STRN3: variants seen among roughly 807,000 people sequenced by gnomAD.
STRN3 encodes the protein striatin-3.
STRN3 carries 29 observed loss-of-function variants against 95.6 expected under a neutral mutation model. The ratio of observed to expected loss-of-function variants is 0.30; its 90% confidence interval spans 0.23 to 0.41. The LOEUF is 0.41. STRN3 is among the 10% of genes least tolerant of loss of function. The pLI is 1.00. For missense variants in STRN3, 890 were observed against 972.1 expected, an observed-to-expected ratio of 0.92 and a Z score of 1.12; for synonymous variants, 331 against 357.6, an observed-to-expected ratio of 0.93 and a Z score of 0.84.
intron 1 of STRN3, among the ~76,000 whole-genome samples, chr14:31,024,884 C>A (rs1363397114): frequency 6.6e-6 from 1 of 152,142 alleles, no homozygotes; most frequent in Non-Finnish European, 1.5e-5. Context: ...AACACAAATA[C>A]CCAAGAAAGT....
At position 30,912,128 on chromosome 14, in the gene STRN3, G is replaced by A. The variant is rs1482165566; in HGVS notation, c.1429C>T (p.Arg477Cys). The A allele has an allele frequency of 2.5e-6, 4 of 1,614,032 alleles. No homozygotes were observed. Among genetic ancestry groups the A allele is most frequent in the Admixed American group, 1.7e-5 (1 of 60,004 alleles). Residue 477 changes from arginine (R) to cysteine (C), a missense_variant, in exon 11 of 18, where the codon CGT becomes TGT. Physicochemically the swap from Arg to Cys is radical, Grantham distance 180. Around this residue, in one of 3 missense-constraint regions of STRN3, gnomAD observed 357 missense variants for 422.8 expected, o/e 0.84. Transcript: ENST00000357479. ...GCCCGTACTCCATCAAAATGGCTAC[G>A]TAGTGTATACTTGGGATTCCATGTC... ...RKTWNPKYTL[R>C]SHFDGVRALA...
At chr14:30,911,892 T>C (rs1896619999) in intron 11 of STRN3, 68 bp from the exon 12 acceptor site, 9 of 1,564,074 alleles carry the variant, frequency 5.8e-6, no homozygotes, top group Non-Finnish European at 7.8e-6. Flanking sequence ...CTGGTTGATA[T>C]TAAATAGTCA....
chr14:30,905,894 T>C (rs562570333), intron 14 of STRN3, among the ~76,000 whole-genome samples: 74 of 152,348 alleles, frequency 4.9e-4, no homozygotes, highest in African/African-American at 1.6e-3. Flanking sequence ...AATTTGCCAA[T>C]TATACTTCTT....
At chr14:30,903,414 G>A (rs1347670460) in intron 15 of STRN3, among the ~76,000 whole-genome samples, 2 of 151,834 alleles carry the variant, frequency 1.3e-5, no homozygotes, top group African/African-American at 4.8e-5. Context: ...AATTTTTTTT[G>A]TTTAAGAGAC....
intron 7 of STRN3, among the ~76,000 whole-genome samples, chr14:30,932,874 G>A (rs886337150): frequency 6.6e-6 from 1 of 152,146 alleles, no homozygotes; most frequent in African/African-American, 2.4e-5. Context: ...TATTTGATAA[G>A]TTATTTCGAT....
intron 16 of STRN3, among the ~76,000 whole-genome samples, chr14:30,897,737 A>G (rs1012103066): frequency 2.6e-5 from 4 of 152,210 alleles, no homozygotes; most frequent in African/African-American, 9.6e-5. Flanking sequence ...GTAATAAACA[A>G]AATAGTCTTA....
intron 1 of STRN3, among the ~76,000 whole-genome samples, chr14:31,013,013 C>CT (rs1436178836): frequency 2.0e-5 from 3 of 152,110 alleles, no homozygotes; most frequent in Non-Finnish European, 4.4e-5. Context: ...AATCCCAGCA[C>CT]TTTGAGAGGC....
At chr14:30,974,484 C>A (rs1880987398) in intron 1 of STRN3, among the ~76,000 whole-genome samples, 1 of 151,852 alleles carries the variant, frequency 6.6e-6, no homozygotes, top group Non-Finnish European at 1.5e-5. Flanking sequence ...AATGTCAATA[C>A]CCAAAGCAAT....
intron 1 of STRN3, among the ~76,000 whole-genome samples, chr14:30,961,772 T>C (rs977688193): frequency 6.6e-6 from 1 of 152,180 alleles, no homozygotes; most frequent in Non-Finnish European, 1.5e-5. Flanking sequence ...CAGGCTAATT[T>C]TTTAAAAATT....
chr14:30,911,765 AGT>A lies in STRN3; in HGVS notation c.1598+10_1598+11del. 6.2e-7 allele frequency: 1 copy of A among 1,600,146 alleles called. No individual in the cohort carries two copies. Among genetic ancestry groups the A allele is most frequent in the Non-Finnish European group, 8.5e-7 (1 of 1,173,318 alleles). On this transcript the variant is annotated intron_variant, in intron 12 of 17. Transcript: ENST00000357479. ...GATGATGTTAATTAAATACCAATTC[AGT>A]AAAACTTACATGTGGGCCCTAAATG...
chr14:30,927,622 A>T (rs1878248461), intron 8 of STRN3, among the ~76,000 whole-genome samples: 1 of 106,156 alleles, frequency 9.4e-6, no homozygotes, highest in African/African-American at 3.6e-5. Context: ...TATTTCTTTA[A>T]AAAAAAAAAA....
At chr14:30,901,207 G>T (rs1387818566) in intron 16 of STRN3, among the ~76,000 whole-genome samples, 1 of 151,706 alleles carries the variant, frequency 6.6e-6, no homozygotes, top group Non-Finnish European at 1.5e-5. Context: ...TTGGGAGGCT[G>T]ACATGGGAGG....
chr14:31,026,154 C>T lies in STRN3; in HGVS notation c.32G>A (p.Gly11Asp), dbSNP rs749183164. MDELAGGGGG[G>D]PGMAAPPRQQ... ...CCGGGGAGGGGCCGCCATCCCCGGG[C>T]CGCCACCACCGCCTCCGGCAAGCTC... The change falls in exon 1 of 18, where the codon GGC (glycine) becomes GAC (aspartate). Residue 11 changes from glycine to aspartate, a missense_variant. Physicochemically the swap from Gly to Asp is moderately conservative, Grantham distance 94. Coordinates refer to ENST00000357479, the MANE Select transcript of STRN3 (RefSeq NM_001083893.2). 6.7e-7 allele frequency: 1 copy of T among 1,487,664 alleles called. No homozygotes were observed. The highest frequency in any genetic ancestry group is 8.9e-7 in the Non-Finnish European group (1 of 1,126,130). The allele number at this position is 1,487,664 out of a possible 1,614,324, so 92.2% of individuals were successfully genotyped here. A position where few individuals can be genotyped will look rare whatever the true frequency, so the allele number is the denominator to read the frequency against.
chr14:31,016,336 G>A (rs1311731739), intron 1 of STRN3, among the ~76,000 whole-genome samples: 1 of 152,066 alleles, frequency 6.6e-6, no homozygotes, highest in African/African-American at 2.4e-5. Context: ...ACAAACTGTA[G>A]CACATCCATA....
Position 31,019,186 on chromosome 14 carries a change from T to C in STRN3, c.282+6718A>G, listed in dbSNP as rs941112084. Among the ~76,000 whole-genome samples, 5 of 152,260 alleles carry C rather than the reference T, an allele frequency of 3.3e-5. No individual in the cohort carries two copies. The East Asian group carries it at 7.7e-4, about 24-fold the overall frequency. ...AGCCAGGCGTGGTAGCACGTGCCTA[T>C]AGTCCAAGCTATTTGGGAGGCTGAA... is the stretch of plus-strand genomic sequence containing the variant. On this transcript the variant is annotated intron_variant, in intron 1 of 17. Transcript: ENST00000357479.
chr14:31,001,575 T>G (rs1882452610), intron 1 of STRN3, among the ~76,000 whole-genome samples: 1 of 151,826 alleles, frequency 6.6e-6, no homozygotes, highest in Admixed American at 6.6e-5. Context: ...GAATTCACAT[T>G]TTGAGAAAAG....
intron 1 of STRN3, among the ~76,000 whole-genome samples, chr14:31,008,446 T>C (rs1326711239): frequency 6.6e-6 from 1 of 152,092 alleles, no homozygotes; most frequent in African/African-American, 2.4e-5. Context: ...AGGTCGAGAC[T>C]GCAGTGAGCC....
At chr14:31,001,295 G>A (rs1594565943) in intron 1 of STRN3, among the ~76,000 whole-genome samples, 2 of 152,178 alleles carry the variant, frequency 1.3e-5, no homozygotes, top group East Asian at 3.9e-4. Context: ...CAGCACTTTG[G>A]GAGGCCAAAG....
intron 5 of STRN3, among the ~76,000 whole-genome samples, chr14:30,937,494 T>G (rs903998451): frequency 3.3e-5 from 5 of 152,166 alleles, no homozygotes; most frequent in Non-Finnish European, 7.3e-5. Flanking sequence ...ATAGGGACAA[T>G]ATATATATTT....
Sources: allele counts gnomAD v4.1 joint callset (sites outside exome capture counted in the v4.1 genomes callset), GRCh38; gene constraint gnomAD v4.1.1; regional missense constraint gnomAD v4.1.1; transcripts MANE v1.5; gene names NCBI Gene and HGNC (gene_info 2026-07-23, HGNC 2026-07-21).